The following RGS7 variants were observed in gnomAD, a reference collection of about 807,000 sequenced individuals.
RGS7 encodes the protein regulator of G protein signaling 7.
Under a neutral mutation model 81.1 loss-of-function variants are expected in RGS7, and 27 were observed. The observed-to-expected ratio is 0.33, with a 90% CI of 0.25 to 0.46. The LOEUF is 0.46. Among genes scored for constraint, RGS7 ranks in the 20% least tolerant of loss-of-function variants. The pLI, the probability that RGS7 is intolerant of heterozygous loss-of-function variation, is 1.00. For missense variants in RGS7, 396 were observed against 607.4 expected (o/e 0.65, Z 3.66); for synonymous variants, 208 against 207.7 (o/e 1.00, Z -0.01).
chr1:240,814,980 C>T (rs550657023), intron 11 of RGS7, among the ~76,000 whole-genome samples: 3 of 152,252 alleles, frequency 2.0e-5, no homozygotes, highest in African/African-American at 7.2e-5. Flanking sequence ...ATTGATATCA[C>T]TTTAGAAGAG....
At chr1:241,094,222 G>C (rs1326901219) in intron 3 of RGS7, among the ~76,000 whole-genome samples, 2 of 149,670 alleles carry the variant, frequency 1.3e-5, no homozygotes, top group Non-Finnish European at 2.9e-5. Flanking sequence ...CATTGCCTCA[G>C]TGCCAGACAT....
intron 3 of RGS7, among the ~76,000 whole-genome samples, chr1:241,073,177 A>T (rs1380332056): frequency 6.6e-6 from 1 of 152,168 alleles, no homozygotes; most frequent in South Asian, 2.1e-4. Flanking sequence ...TTTATTCCAA[A>T]AAAAACCCCA....
chr1:241,305,528 C>CTTTTT (rs58469663), intron 2 of RGS7: 2 of 139,522 alleles, frequency 1.4e-5, no homozygotes, highest in African/African-American at 5.2e-5. Flanking sequence ...CTCTTCCCAT[C>CTTTTT]TTTTTTTTTT....
chr1:240,828,344 C>A (rs889823896), intron 9 of RGS7, among the ~76,000 whole-genome samples: 2 of 152,142 alleles, frequency 1.3e-5, no homozygotes, highest in African/African-American at 4.8e-5. Context: ...AATCACGAAA[C>A]AGAGAAGACA....
chr1:240,875,123 G>A (rs1223028096), intron 6 of RGS7, among the ~76,000 whole-genome samples: 3 of 152,064 alleles, frequency 2.0e-5, no homozygotes, highest in Non-Finnish European at 2.9e-5. Flanking sequence ...TCATCATCCC[G>A]CTATACAACA....
intron 6 of RGS7, chr1:240,920,315 C>T: frequency 6.9e-7 from 1 of 1,449,878 alleles, no homozygotes; most frequent in Non-Finnish European, 9.6e-7. Flanking sequence ...GAGGAAACTT[C>T]AGTGGTCATG....
intron 9 of RGS7, among the ~76,000 whole-genome samples, chr1:240,837,574 A>G (rs565930478): frequency 2.2e-4 from 33 of 152,340 alleles, no homozygotes; most frequent in Middle Eastern, 3.4e-3. Flanking sequence ...CTGTGGGCTT[A>G]AATGGGTCAT....
chr1:240,884,817 G>A (rs1276257214), intron 6 of RGS7, among the ~76,000 whole-genome samples: 1 of 151,990 alleles, frequency 6.6e-6, no homozygotes. Context: ...GATGACCTAG[G>A]CAATACCATC....
At chr1:241,042,881 A>G (rs994557549) in intron 3 of RGS7, among the ~76,000 whole-genome samples, 2 of 151,472 alleles carry the variant, frequency 1.3e-5, no homozygotes. Context: ...CGGAGGTTGC[A>G]GTGAGCCGAG....
chr1:241,050,935 C>T (rs2061216324), intron 3 of RGS7, among the ~76,000 whole-genome samples: 1 of 152,052 alleles, frequency 6.6e-6, no homozygotes, highest in Non-Finnish European at 1.5e-5. Flanking sequence ...TATTAGCAGC[C>T]AAGCTTTTGG....
At chr1:241,126,753 C>G (rs889912885) in intron 2 of RGS7, among the ~76,000 whole-genome samples, 2 of 151,912 alleles carry the variant, frequency 1.3e-5, no homozygotes, top group South Asian at 4.1e-4. Context: ...TAAATGTTAG[C>G]TATAATTATT....
chr1:240,980,027 T>C (rs1418309864), intron 4 of RGS7, among the ~76,000 whole-genome samples: 2 of 152,148 alleles, frequency 1.3e-5, no homozygotes, highest in African/African-American at 4.8e-5. Context: ...TTTAGACTAA[T>C]TCCATATATG....
intron 10 of RGS7, among the ~76,000 whole-genome samples, chr1:240,821,406 C>T (rs970544108): frequency 3.9e-5 from 6 of 152,172 alleles, no homozygotes; most frequent in Non-Finnish European, 5.9e-5. Flanking sequence ...GAGCCGAGAT[C>T]CCGCCACTGC....
intron 3 of RGS7, among the ~76,000 whole-genome samples, chr1:241,051,242 C>T (rs1185246120): frequency 1.3e-5 from 2 of 152,138 alleles, no homozygotes; most frequent in Non-Finnish European, 2.9e-5. Flanking sequence ...TGTCTGAAAC[C>T]TTAATTCTGC....
chr1:241,211,302 C>T (rs1382592909), intron 2 of RGS7, among the ~76,000 whole-genome samples: 1 of 152,116 alleles, frequency 6.6e-6, no homozygotes, highest in Admixed American at 6.5e-5. Flanking sequence ...CACCCAGACT[C>T]CATCATGAAA....
chr1:240,933,114 C>T lies in RGS7; in HGVS notation c.334-2346G>A, dbSNP rs112844044. 9.5e-3 allele frequency among the ~76,000 whole-genome samples: 1,437 copies of T among 151,294 alleles called. 25 individuals carry two copies. The highest frequency in any genetic ancestry group is 0.016 in the Admixed American group (241 of 15,186). On this transcript the variant is annotated intron_variant, in intron 5 of 18. Transcript: ENST00000440928. Reference sequence around the variant, plus strand: ...AGCCAGGATGGTCTCCATCTCCTGACCTCGTGATCTGCCCCCCTCGGCCCC... The same window carrying T: ...AGCCAGGATGGTCTCCATCTCCTGATCTCGTGATCTGCCCCCCTCGGCCCC...
chr1:241,316,978 A>T (rs2080916457), intron 2 of RGS7, among the ~76,000 whole-genome samples: 1 of 152,234 alleles, frequency 6.6e-6, no homozygotes, highest in Non-Finnish European at 1.5e-5. Flanking sequence ...TTAAGTTTAT[A>T]TTTGCAATGT....
intron 2 of RGS7, among the ~76,000 whole-genome samples, chr1:241,257,592 T>C (rs530192374): frequency 1.3e-5 from 2 of 152,340 alleles, no homozygotes; most frequent in African/African-American, 4.8e-5. Flanking sequence ...AACAATACAT[T>C]TCCCTTTGGG....
At chr1:240,919,654 T>G in intron 6 of RGS7, 1 of 484,686 alleles carries the variant, frequency 2.1e-6, no homozygotes, top group Non-Finnish European at 3.8e-6. Context: ...CCTGCCCTCA[T>G]GCCTAAGTCA....
Sources: gnomAD v4.1 joint callset for allele counts (sites outside exome capture counted in the v4.1 genomes callset) on GRCh38, gnomAD v4.1.1 for gene constraint, MANE v1.5 for transcripts, NCBI Gene and HGNC (gene_info 2026-07-23, HGNC 2026-07-21) for gene names.